Variants in RUVBL1 observed in about 807,000 individuals in gnomAD.
RUVBL1 encodes the protein RuvB like AAA ATPase 1.
Under a neutral mutation model 52.4 loss-of-function variants are expected in RUVBL1, and 4 were observed. The ratio of observed to expected loss-of-function variants is 0.08; its 90% CI spans 0.04 to 0.17. RUVBL1 has a LOEUF of 0.17. RUVBL1 is among the 10% of genes least tolerant of loss of function. The pLI is 1.00. For synonymous variants in RUVBL1, 217 were observed against 214.4 expected, an observed-to-expected ratio of 1.01 and a Z score of -0.10; for missense variants, 298 against 572.8, an observed-to-expected ratio of 0.52 and a Z score of 4.90.
intron 2 of RUVBL1, among the ~76,000 whole-genome samples, chr3:128,116,765 C>T (rs1052263051): frequency 5.9e-5 from 9 of 152,364 alleles, no homozygotes; most frequent in African/African-American, 1.9e-4. Flanking sequence ...CAGGCTCCCT[C>T]ATCTTTGTGA....
rs988505713 is a variant in RUVBL1 at position 128,081,437 on chromosome 3, G to A, written c.1212-28C>T. 4 of 1,596,306 alleles carry A rather than the reference G, an allele frequency of 2.5e-6. No homozygotes were observed. The highest frequency in any genetic ancestry group is 3.4e-6 in the Non-Finnish European group (4 of 1,167,060). ...AGAGTGGACAGGGGCCAGGGCTGGA[G>A]TGAAACTGGGGCCACCGAAGAAAGC... On this transcript the variant is annotated intron_variant, in intron 10 of 10. Transcript: ENST00000322623. This position sits in a 1 kb window ranked among gnomAD's most constrained non-coding sequence, Gnocchi z 4.8.
chr3:128,126,781 G>A (rs953565852), upstream of RUVBL1, among the ~76,000 whole-genome samples: 11 of 152,320 alleles, frequency 7.2e-5, no homozygotes, highest in African/African-American at 2.4e-4. Flanking sequence ...TAAACAGCAA[G>A]TGAGGCCTGC....
At chr3:128,100,017 A>AAC (rs1201675482) in intron 6 of RUVBL1, among the ~76,000 whole-genome samples, 2 of 152,216 alleles carry the variant, frequency 1.3e-5, no homozygotes, top group Admixed American at 1.3e-4. Flanking sequence ...CAAGGAACAA[A>AAC]ACACCCACGG....
chr3:128,117,444 C>T (rs4857836), intron 2 of RUVBL1, among the ~76,000 whole-genome samples: 108,492 of 151,966 alleles, frequency 0.71, 38,906 homozygotes, highest in East Asian at 0.89. Flanking sequence ...CCAACCAAGT[C>T]GTGAGAACCA....
intron 1 of RUVBL1, among the ~76,000 whole-genome samples, chr3:128,138,745 C>T (rs971113487): frequency 1.3e-5 from 2 of 152,058 alleles, no homozygotes; most frequent in Admixed American, 1.3e-4. Context: ...ATAACCAAAG[C>T]CATCCTGAGC....
intron 8 of RUVBL1, among the ~76,000 whole-genome samples, chr3:128,090,450 C>T (rs1418073268): frequency 6.6e-6 from 1 of 151,902 alleles, no homozygotes; most frequent in Non-Finnish European, 1.5e-5. Context: ...ACCCGGGAGG[C>T]GGAGCTTGCA....
chr3:128,088,806 C>T (rs1461124706), intron 8 of RUVBL1, among the ~76,000 whole-genome samples: 1 of 152,102 alleles, frequency 6.6e-6, no homozygotes, highest in African/African-American at 2.4e-5. Flanking sequence ...ATTTACTTAA[C>T]AATCCATTAA....
At chr3:128,072,952 C>A (rs1419443419) in intron 9 of RUVBL1, among the ~76,000 whole-genome samples, 1 of 152,180 alleles carries the variant, frequency 6.6e-6, no homozygotes, top group Non-Finnish European at 1.5e-5. Flanking sequence ...TCCCTTGGGG[C>A]AGGCACTGTC....
At chr3:128,117,346 A>G (rs1943550260) in intron 2 of RUVBL1, among the ~76,000 whole-genome samples, 1 of 152,232 alleles carries the variant, frequency 6.6e-6, no homozygotes, top group South Asian at 2.1e-4. Context: ...TTGTGGCCAG[A>G]TAATTCCTTA....
At chr3:128,077,144 G>A (rs996492615), downstream of RUVBL1, among the ~76,000 whole-genome samples, 1 of 151,948 alleles carries the variant, frequency 6.6e-6, no homozygotes, top group Non-Finnish European at 1.5e-5. Context: ...CGAGACGCGC[G>A]CTGATGGCCG....
At chr3:128,106,805 A>G (rs1943252601) in intron 3 of RUVBL1, among the ~76,000 whole-genome samples, 1 of 152,186 alleles carries the variant, frequency 6.6e-6, no homozygotes, top group Non-Finnish European at 1.5e-5. Context: ...TCACCGAAAC[A>G]CCCTCAACCT....
Position 128,082,644 on chromosome 3 carries a change from G to A in RUVBL1, c.1120-70C>T. 2 of 1,229,094 alleles carry A rather than the reference G, an allele frequency of 1.6e-6. No individual in the cohort carries two copies. The highest frequency in any genetic ancestry group is 3.0e-5 in the African/African-American group (2 of 66,940). The allele number at this position is 1,229,094 out of a possible 1,614,324, so 76.1% of individuals were successfully genotyped here. Reference sequence around the variant, plus strand: ...TGCCCCATTTCTAAAGTGCTTTAAAGACAATGTTGCTCAGATTTCTCACTG... The same window carrying A: ...TGCCCCATTTCTAAAGTGCTTTAAAAACAATGTTGCTCAGATTTCTCACTG... On this transcript the variant is annotated intron_variant, in intron 9 of 10. Transcript: ENST00000322623. This position sits in a 1 kb window ranked among gnomAD's most constrained non-coding sequence, Gnocchi z 4.7.
intron 1 of RUVBL1, among the ~76,000 whole-genome samples, chr3:128,149,429 C>T (rs1944152074): frequency 6.6e-6 from 1 of 152,154 alleles, no homozygotes; most frequent in Non-Finnish European, 1.5e-5. Context: ...AAGTGATCTG[C>T]CCGCCTTCGC....
At chr3:128,121,653 T>G (rs1198840162) in intron 1 of RUVBL1, among the ~76,000 whole-genome samples, 2 of 143,730 alleles carry the variant, frequency 1.4e-5, no homozygotes, top group East Asian at 4.1e-4. Flanking sequence ...GAGGTTGCAG[T>G]GAGCCGAGAT....
At position 128,082,440 on chromosome 3, in the gene RUVBL1, G is replaced by C; in HGVS notation, c.1211+43C>G. ...CAGAATGACCCCAGCGAGGGCCCTG[G>C]CTGTGCTGGGGAGGCCCCGGCGGGC... On this transcript the variant is annotated intron_variant, in intron 10 of 10. Transcript: ENST00000322623. This position sits in a 1 kb window ranked among gnomAD's most constrained non-coding sequence, Gnocchi z 4.7. 1 of 1,447,558 alleles carries C rather than the reference G, an allele frequency of 6.9e-7. No individual in the cohort carries two copies. Among genetic ancestry groups the C allele is most frequent in the Admixed American group, 1.7e-5 (1 of 59,760 alleles). The allele number at this position is 1,447,558 out of a possible 1,614,324, so 89.7% of individuals were successfully genotyped here.
intron 1 of RUVBL1, among the ~76,000 whole-genome samples, chr3:128,139,310 T>C (rs1453543684): frequency 6.6e-6 from 1 of 152,196 alleles, no homozygotes; most frequent in East Asian, 1.9e-4. Context: ...AAGGGATTAA[T>C]AACCAGAATA....
At chr3:128,090,305 G>A (rs959912225) in intron 8 of RUVBL1, among the ~76,000 whole-genome samples, 1 of 152,252 alleles carries the variant, frequency 6.6e-6, no homozygotes, top group Non-Finnish European at 1.5e-5. Flanking sequence ...GCCAAGGCGG[G>A]CAGATCACGA....
chr3:128,095,641 G>T (rs182464470), intron 8 of RUVBL1, among the ~76,000 whole-genome samples: 1 of 152,204 alleles, frequency 6.6e-6, no homozygotes, highest in South Asian at 2.1e-4. Flanking sequence ...GAAAGAAACC[G>T]CCTGAGGGGG....
At chr3:128,121,624 C>T (rs546462123) in intron 1 of RUVBL1, among the ~76,000 whole-genome samples, 35 of 148,626 alleles carry the variant, frequency 2.4e-4, no homozygotes, top group Non-Finnish European at 1.0e-4. Flanking sequence ...GCAGGAGAAT[C>T]GCTTGAACCC....
Sources: allele counts gnomAD v4.1 joint callset (sites outside exome capture counted in the v4.1 genomes callset), GRCh38; gene constraint gnomAD v4.1.1; non-coding constraint Gnocchi (gnomAD v3.1); transcripts MANE v1.5; gene names NCBI Gene and HGNC (gene_info 2026-07-23, HGNC 2026-07-21).